Variants in NALCN observed in about 807,000 individuals in gnomAD.
NALCN encodes the protein sodium leak channel, non-selective.
In NALCN, 111 loss-of-function variants were observed where a neutral mutation model predicts 225.3. That is an observed-to-expected ratio of 0.49 (90% CI 0.42 to 0.58). NALCN has a LOEUF of 0.58. NALCN is among the 20% of genes least tolerant of loss of function. NALCN has a pLI of 0.00. For synonymous variants in NALCN, 764 were observed against 769.0 expected, an observed-to-expected ratio of 0.99 and a Z score of 0.11; for missense variants, 1,378 against 2,202.4, an observed-to-expected ratio of 0.63 and a Z score of 7.49.
rs1005545873 is a variant in NALCN at position 101,111,162 on chromosome 13, T to C, written c.2257A>G (p.Ile753Val). The change falls in exon 19 of 44, where the codon ATC becomes GTC. Residue 753 changes from isoleucine to valine, a missense_variant. Around this residue, in one of 19 missense-constraint regions of NALCN, gnomAD observed 66 missense variants for 85.7 expected, o/e 0.77. Coordinates refer to ENST00000251127, the MANE Select transcript of NALCN (RefSeq NM_052867.4). ...CGGATATGATGCTGCACGCTGAGGA[T>C]TGACCTCTCCTTTGCGGGCTGCCCC... ...FEGQPAKERS[I>V]LSVQHHIRQE... The C allele has an allele frequency of 7.5e-6, 12 of 1,609,040 alleles. No homozygotes were observed. Among genetic ancestry groups the C allele is most frequent in the Non-Finnish European group, 6.8e-6 (8 of 1,176,080 alleles).
At chr13:101,058,931 C>G (rs922620830) in intron 42 of NALCN, 1 of 152,310 alleles carries the variant, frequency 6.6e-6, no homozygotes, top group Admixed American at 6.5e-5. Context: ...GGCTGGGGAG[C>G]CCAAAACATG....
chr13:101,259,781 C>CACAT (rs1555324937), intron 10 of NALCN, among the ~76,000 whole-genome samples: 3 of 144,846 alleles, frequency 2.1e-5, no homozygotes, highest in Non-Finnish European at 4.5e-5. Context: ...TATATATACA[C>CACAT]ATATATATTT....
intron 2 of NALCN, among the ~76,000 whole-genome samples, chr13:101,397,733 G>A: frequency 6.6e-6 from 1 of 151,810 alleles, no homozygotes; most frequent in East Asian, 1.9e-4. Flanking sequence ...TGTATATAAT[G>A]TAAATATACA....
intron 7 of NALCN, among the ~76,000 whole-genome samples, chr13:101,341,581 G>A (rs551281928): frequency 1.5e-4 from 23 of 152,158 alleles, no homozygotes; most frequent in African/African-American, 5.5e-4. Flanking sequence ...AAGCTTTTAT[G>A]AGTTATATAT....
intron 12 of NALCN, among the ~76,000 whole-genome samples, chr13:101,236,702 G>A (rs1047202319): frequency 1.2e-3 from 174 of 146,160 alleles, no homozygotes; most frequent in Non-Finnish European, 2.1e-3. Context: ...CTCATAGGTG[G>A]GAATTGAACA....
rs1377608181 is a variant in NALCN at position 101,104,966 on chromosome 13, T to C, written c.2580-16A>G. 3 of 1,609,254 alleles carry C rather than the reference T, an allele frequency of 1.9e-6. No individual in the cohort carries two copies. In the South Asian group the frequency reaches 3.3e-5, roughly 18 times the overall value. On this transcript the variant is annotated splice_polypyrimidine_tract_variant and intron_variant, in intron 22 of 43. Coordinates refer to ENST00000251127, the MANE Select transcript of NALCN (RefSeq NM_052867.4). The surrounding 1 kb of genome is among the most constrained non-coding windows in gnomAD (Gnocchi z 4.2). ...TGTTTTAGATCTGTAAGAGAACACA[T>C]ATATAAAATTCTGCAACAAAGCAAG...
chr13:101,058,580 A>G (rs1223559398), intron 42 of NALCN: 1 of 153,082 alleles, frequency 6.5e-6, no homozygotes, highest in African/African-American at 2.4e-5. Flanking sequence ...CTTCCCACAC[A>G]TTTCACCTGT....
intron 10 of NALCN, among the ~76,000 whole-genome samples, chr13:101,271,180 A>G (rs561194886): frequency 2.6e-4 from 39 of 152,300 alleles, no homozygotes; most frequent in African/African-American, 8.7e-4. Context: ...TGCCAGTAAG[A>G]CAGATAAACA....
At chr13:101,373,019 T>C (rs774731977) in intron 6 of NALCN, 2 of 376,374 alleles carry the variant, frequency 5.3e-6, no homozygotes, top group Middle Eastern at 7.4e-4. Context: ...AAAAAGATAA[T>C]CAGACATTCA....
intron 6 of NALCN, among the ~76,000 whole-genome samples, chr13:101,350,544 C>T (rs1374591969): frequency 6.6e-6 from 1 of 152,136 alleles, no homozygotes; most frequent in African/African-American, 2.4e-5. Context: ...GTCATCTGTT[C>T]ATTGGATGTC....
chr13:101,222,184 T>C (rs1260857129), intron 13 of NALCN, among the ~76,000 whole-genome samples: 1 of 152,126 alleles, frequency 6.6e-6, no homozygotes, highest in East Asian at 1.9e-4. Context: ...TGGTCCCTTT[T>C]CTTAAAAATT....
chr13:101,091,471 T>C (rs1015771834), intron 28 of NALCN, among the ~76,000 whole-genome samples: 4 of 152,206 alleles, frequency 2.6e-5, no homozygotes, highest in Non-Finnish European at 4.4e-5. Context: ...AAACTGAAAC[T>C]GATTTGTTCT....
intron 3 of NALCN, among the ~76,000 whole-genome samples, chr13:101,381,998 T>C (rs1248433017): frequency 6.6e-6 from 1 of 152,102 alleles, no homozygotes; most frequent in African/African-American, 2.4e-5. Flanking sequence ...ATTGGAGCAA[T>C]GAATGAGTAC....
intron 17 of NALCN, among the ~76,000 whole-genome samples, chr13:101,136,760 A>C (rs1179476857): frequency 6.6e-6 from 1 of 152,206 alleles, no homozygotes; most frequent in Admixed American, 6.5e-5. Context: ...TGCTGCAATA[A>C]ACATACATGT....
chr13:101,133,828 T>A (rs557679665), intron 17 of NALCN, among the ~76,000 whole-genome samples: 1 of 152,302 alleles, frequency 6.6e-6, no homozygotes, highest in South Asian at 2.1e-4. Context: ...TTGAACAGTA[T>A]CTTAAAATGT....
At chr13:101,342,393 A>G (rs7326309) in intron 7 of NALCN, among the ~76,000 whole-genome samples, 3,087 of 152,262 alleles carry the variant, frequency 0.02, 113 homozygotes, top group African/African-American at 0.07. Flanking sequence ...AACCCAGATC[A>G]GCAGCAACAA....
At chr13:101,184,210 A>G (rs1566398536) in intron 14 of NALCN, among the ~76,000 whole-genome samples, 1 of 152,286 alleles carries the variant, frequency 6.6e-6, no homozygotes, top group African/African-American at 2.4e-5. Context: ...TTGACAATGC[A>G]TTCAGTGTGG....
rs1329359720 is a variant in NALCN, at chr13:101,291,947, G to A, written c.1047+43C>T. The A allele has an allele frequency of 5.7e-6, 9 of 1,584,464 alleles. No homozygotes were observed. The South Asian group carries it at 8.9e-5, about 16-fold the overall frequency. On this transcript the variant is annotated intron_variant, in intron 9 of 43. Transcript: ENST00000251127. The stretch of plus-strand genomic sequence containing the variant: ...CACTGATGGTGAGGGTGAGACATGT[G>A]CATGCTCGAATGGGTTATAACATCC...
intron 7 of NALCN, among the ~76,000 whole-genome samples, chr13:101,337,402 A>C (rs1020337059): frequency 6.6e-6 from 1 of 151,744 alleles, no homozygotes; most frequent in Non-Finnish European, 1.5e-5. Context: ...TCTGCCTCCC[A>C]GATTCAAGCG....
Sources: allele counts gnomAD v4.1 joint callset (sites outside exome capture counted in the v4.1 genomes callset), GRCh38; gene constraint gnomAD v4.1.1; regional missense constraint gnomAD v4.1.1; non-coding constraint Gnocchi (gnomAD v3.1); transcripts MANE v1.5; gene names NCBI Gene and HGNC (gene_info 2026-07-23, HGNC 2026-07-21).